The following ARHGAP32 variants were observed in gnomAD, a reference collection of about 807,000 sequenced individuals.
ARHGAP32 encodes the protein Rho GTPase activating protein 32.
A neutral mutation model predicts 186.5 loss-of-function variants in ARHGAP32; 51 were observed. The observed-to-expected ratio is 0.27, with a 90% confidence interval of 0.22 to 0.35. ARHGAP32 has a LOEUF of 0.35. Among genes scored for constraint, ARHGAP32 ranks in the 10% least tolerant of loss-of-function variants. The pLI is 1.00. For missense variants in ARHGAP32, 2,186 were observed against 2,623.5 expected, an observed-to-expected ratio of 0.83 and a Z score of 3.64; for synonymous variants, 950 against 964.3, an observed-to-expected ratio of 0.99 and a Z score of 0.27.
At chr11:129,274,900 T>C (rs1037012882) in intron 1 of ARHGAP32, among the ~76,000 whole-genome samples, 1 of 150,840 alleles carries the variant, frequency 6.6e-6, no homozygotes, top group African/African-American at 2.4e-5. Context: ...TTCTCATTCA[T>C]CTTTCTAAAA....
In ARHGAP32 at chr11:128,973,383, G is replaced by A. The variant is rs766717776; in HGVS notation, c.3123C>T (p.Val1041=). 6.2e-7 allele frequency: 1 copy of A among 1,614,032 alleles called. No homozygotes were observed. The highest frequency in any genetic ancestry group is 8.5e-7 in the Non-Finnish European group (1 of 1,180,020). The change falls in exon 22 of 23, where the codon GTC becomes GTT. Residue 1041 remains valine, a synonymous_variant. Transcript: ENST00000682385. ...GAGGCGGTGGTGGTGGGATAAGAGA[G>A]ACTGAACTGACAGGAACGGAATCCT... ...PPQDSVPVSS[V]SLIPPPPPPK... is the part of the protein sequence containing the mutation.
chr11:129,152,624 A>G (rs1339379287), intron 2 of ARHGAP32, among the ~76,000 whole-genome samples: 1 of 152,214 alleles, frequency 6.6e-6, no homozygotes, highest in Admixed American at 6.5e-5. Flanking sequence ...CACAAAATTT[A>G]TAAGAAAAAA....
intron 6 of ARHGAP32, among the ~76,000 whole-genome samples, chr11:129,090,003 G>T (rs1331095367): frequency 1.3e-5 from 2 of 152,120 alleles, no homozygotes; most frequent in African/African-American, 4.8e-5. Flanking sequence ...ATCTCAGCCT[G>T]GCCCTATCCT....
At chr11:129,078,143 C>G (rs504025) in intron 6 of ARHGAP32, among the ~76,000 whole-genome samples, 18,691 of 152,160 alleles carry the variant, frequency 0.12, 1,318 homozygotes, top group Non-Finnish European at 0.15. Flanking sequence ...TCACATCAGA[C>G]ACTCCCCAGC....
rs186141564 is a variant in ARHGAP32 at position 129,239,953 on chromosome 11, C to T, written c.-5+39193G>A. 3.8e-3 allele frequency among the ~76,000 whole-genome samples: 572 copies of T among 152,314 alleles called. 4 individuals carry two copies. The highest frequency in any genetic ancestry group is 6.8e-3 in the Non-Finnish European group (463 of 68,034). On this transcript the variant is annotated intron_variant, in intron 1 of 6. Transcript: ENST00000525234. The stretch of plus-strand genomic sequence containing the variant: ...ATCTCTCAGACTACAAATTCTAAGG[C>T]AGGAACTGTTGTTTGTAATCTTCAT...
At chr11:129,054,216 T>C (rs1940164105) in intron 10 of ARHGAP32, among the ~76,000 whole-genome samples, 1 of 152,166 alleles carries the variant, frequency 6.6e-6, no homozygotes, top group South Asian at 2.1e-4. Context: ...TAAAATTCTG[T>C]CACTCTCTAA....
chr11:128,970,688 T>G lies in ARHGAP32; in HGVS notation c.4525A>C (p.Asn1509His). Residue 1509 changes from asparagine to histidine, a missense_variant, in exon 23 of 23, where the codon AAT (asparagine) becomes CAT (histidine). Physicochemically the swap from Asn to His is moderately conservative, Grantham distance 68. This residue lies in a region of ARHGAP32 where 1,502 missense variants were observed against 1,570.0 expected (regional missense o/e 0.96). Transcript: ENST00000682385. This position sits in a 1 kb window ranked among gnomAD's most constrained non-coding sequence, Gnocchi z 5.8. ...CGGTACTGGCAGTTTGGAGTCATAT[T>G]GAAATGCAAACAGTTATCTGGACCA... ...PFGPDNCLHF[N>H]MTPNCQYRPQ... 3 of 1,614,114 alleles carry G rather than the reference T, an allele frequency of 1.9e-6. No homozygotes were observed. The highest frequency in any genetic ancestry group is 2.5e-6 in the Non-Finnish European group (3 of 1,180,022).
In ARHGAP32 at chr11:129,123,411, T is replaced by C. The variant is rs781381851; in HGVS notation, c.444+35A>G. On this transcript the variant is annotated intron_variant, in intron 5 of 22. Coordinates refer to ENST00000682385, the MANE Select transcript of ARHGAP32 (RefSeq NM_001378024.1). The surrounding 1 kb of genome is among the most constrained non-coding windows in gnomAD (Gnocchi z 4.6). ...CTAGATATAAAGGTAAATGTGTAAA[T>C]CTTAATTCAAGATGTAAGAAATATT... is the stretch of plus-strand genomic sequence containing the variant. 2.6e-6 allele frequency: 4 copies of C among 1,543,244 alleles called. No individual in the cohort carries two copies. The South Asian group carries it at 4.5e-5, about 17-fold the overall frequency.
chr11:128,984,719 A>AAT (rs1945811420), intron 15 of ARHGAP32, among the ~76,000 whole-genome samples: 1 of 152,134 alleles, frequency 6.6e-6, no homozygotes, highest in African/African-American at 2.4e-5. Context: ...TAAGTAATAT[A>AAT]ATATATATTA....
rs570876117 is a variant in ARHGAP32 at position 129,034,114 on chromosome 11, T to C, written c.1045+6814A>G. Among the ~76,000 whole-genome samples, 338 of 152,308 alleles carry C rather than the reference T, an allele frequency of 2.2e-3. 1 individual carries two copies. Among genetic ancestry groups the C allele is most frequent in the Non-Finnish European group, 3.6e-3 (243 of 68,010 alleles). On this transcript the variant is annotated intron_variant, in intron 11 of 22. Coordinates refer to ENST00000682385, the MANE Select transcript of ARHGAP32 (RefSeq NM_001378024.1). ...CATCAATTTCTACATAGATTCCAAC[T>C]CAAAGCTTGGGGCATTTTTCAGCAA...
rs888926739 is a variant in ARHGAP32, at chr11:128,974,939, A to G, written c.2258T>C (p.Phe753Ser). 3 of 1,613,904 alleles carry G rather than the reference A, an allele frequency of 1.9e-6. No individual in the cohort carries two copies. In the African/African-American group the frequency reaches 4.0e-5, roughly 22 times the overall value. ...GCGGTTCCCCAGCATTTCTCCATTA[A>G]AAGAGGCAGACAGTGCATCACTGGA... ...RSSSDALSAS[F>S]NGEMLGNRCN... The change falls in exon 21 of 23, where the codon TTT becomes TCT. Residue 753 changes from phenylalanine (F) to serine (S), a missense_variant. Transcript: ENST00000682385.
intron 9 of ARHGAP32, 126 bp from the exon 10 acceptor site, chr11:129,062,483 C>CA (rs1044828497): frequency 3.3e-6 from 2 of 598,856 alleles, no homozygotes; most frequent in East Asian, 3.0e-5. Context: ...CAGTAATTTC[C>CA]AAAAAAAGTA....
intron 1 of ARHGAP32, 85 bp downstream of exon 1, chr11:129,191,998 A>G: frequency 9.7e-7 from 1 of 1,032,952 alleles, no homozygotes; most frequent in South Asian, 1.4e-5. Flanking sequence ...TTATTGGAAA[A>G]AAGACCGAAA....
chr11:129,188,499 A>G (rs1405170067), intron 1 of ARHGAP32, among the ~76,000 whole-genome samples: 1 of 152,156 alleles, frequency 6.6e-6, no homozygotes, highest in Non-Finnish European at 1.5e-5. Flanking sequence ...GTACAATACC[A>G]CAGTCAAGAC....
intron 15 of ARHGAP32, among the ~76,000 whole-genome samples, chr11:128,983,980 A>C (rs986970819): frequency 6.6e-6 from 1 of 152,020 alleles, no homozygotes; most frequent in Non-Finnish European, 1.5e-5. Context: ...GAGAATAATA[A>C]TTTAGATTTC....
chr11:129,180,802 T>C (rs1944038571), intron 1 of ARHGAP32, among the ~76,000 whole-genome samples: 1 of 152,130 alleles, frequency 6.6e-6, no homozygotes, highest in African/African-American at 2.4e-5. Flanking sequence ...TAAACCTGAA[T>C]GCATTCAATG....
intron 1 of ARHGAP32, among the ~76,000 whole-genome samples, chr11:129,173,362 G>A (rs974172932): frequency 3.3e-5 from 5 of 150,764 alleles, no homozygotes; most frequent in South Asian, 4.2e-4. Flanking sequence ...AGGACCAGAC[G>A]GATTCACAGC....
At position 129,065,023 on chromosome 11, in the gene ARHGAP32, A is replaced by G. The variant is rs542897735; in HGVS notation, c.670-90T>C. The G allele has an allele frequency of 6.2e-4, 649 of 1,049,954 alleles. 1 individual carries two copies. The African/African-American group carries it at 9.3e-3, about 15-fold the overall frequency. The allele number at this position is 1,049,954 out of a possible 1,614,324, so 65.0% of individuals were successfully genotyped here. A position where few individuals can be genotyped will look rare whatever the true frequency, so the allele number is the denominator to read the frequency against. ...GATGGTTTCTGGAAGAAAAAAATCT[A>G]TAGATCTTTAGGCATTTTAATAGTT... is the stretch of plus-strand genomic sequence containing the variant. On this transcript the variant is annotated intron_variant, in intron 7 of 22. Transcript: ENST00000682385.
intron 2 of ARHGAP32, among the ~76,000 whole-genome samples, chr11:129,151,610 T>C (rs1289194307): frequency 6.6e-6 from 1 of 152,130 alleles, no homozygotes; most frequent in Non-Finnish European, 1.5e-5. Flanking sequence ...TAATCTGCTC[T>C]TCAATGATCT....
Sources: allele counts gnomAD v4.1 joint callset (sites outside exome capture counted in the v4.1 genomes callset), GRCh38; gene constraint gnomAD v4.1.1; regional missense constraint gnomAD v4.1.1; non-coding constraint Gnocchi (gnomAD v3.1); transcripts MANE v1.5; gene names NCBI Gene and HGNC (gene_info 2026-07-23, HGNC 2026-07-21).